The following ZC3H11A variants were observed in gnomAD, a reference collection of about 807,000 sequenced individuals.
ZC3H11A encodes the protein zinc finger CCCH domain-containing protein 11A.
Under a neutral mutation model 90.8 loss-of-function variants are expected in ZC3H11A, and 22 were observed. The ratio of observed to expected loss-of-function variants is 0.24; its 90% CI spans 0.17 to 0.35. ZC3H11A has a LOEUF of 0.35. Ranked by LOEUF, ZC3H11A falls within the 10% of genes least tolerant of loss-of-function variation. ZC3H11A has a pLI of 1.00. For missense variants in ZC3H11A, 701 were observed against 964.9 expected, an observed-to-expected ratio of 0.73 and a Z score of 3.62; for synonymous variants, 294 against 339.8, an observed-to-expected ratio of 0.87 and a Z score of 1.48.
At chr1:203,842,617 G>A (rs898972429) in intron 12 of ZC3H11A, among the ~76,000 whole-genome samples, 5 of 146,570 alleles carry the variant, frequency 3.4e-5, no homozygotes, top group African/African-American at 1.3e-4. Context: ...GGGAGGGGGA[G>A]GGGGAATCTT....
In ZC3H11A at chr1:203,852,453, T is replaced by G. The variant is rs1210437109; in HGVS notation, c.*54T>G. 5.6e-6 allele frequency: 9 copies of G among 1,594,330 alleles called. No individual in the cohort carries two copies. Among genetic ancestry groups the G allele is most frequent in the Non-Finnish European group, 6.8e-6 (8 of 1,170,320 alleles). On this transcript the variant is annotated 3_prime_UTR_variant, in exon 18 of 18. Coordinates refer to ENST00000367210, the MANE Select transcript of ZC3H11A (RefSeq NM_001376342.1). ...AAATCGCCAAAAAACTGGACTTAGT[T>G]TCATCTATTGTAACATTTACCTGAG...
At chr1:203,796,373 C>T (rs1056313041) in intron 1 of ZC3H11A, 2 of 398,810 alleles carry the variant, frequency 5.0e-6, no homozygotes, top group Non-Finnish European at 8.8e-6. Context: ...CACCCATTCC[C>T]CACTCTCATT....
chr1:203,803,249 T>C (rs2102452858), intron 2 of ZC3H11A, among the ~76,000 whole-genome samples: 1 of 152,292 alleles, frequency 6.6e-6, no homozygotes, highest in Non-Finnish European at 1.5e-5. Flanking sequence ...TGGAGTGCAA[T>C]GGTGCCATCT....
At chr1:203,798,685 A>G in intron 1 of ZC3H11A, 2 of 1,536,168 alleles carry the variant, frequency 1.3e-6, no homozygotes, top group Non-Finnish European at 1.7e-6. Flanking sequence ...GTTGCAGAGC[A>G]AGGCACTCTG....
chr1:203,799,669 T>G (rs1220653939), intron 1 of ZC3H11A: 4 of 705,674 alleles, frequency 5.7e-6, no homozygotes, highest in Non-Finnish European at 1.0e-5. Context: ...CTACCCCTAA[T>G]CCATCATCTA....
rs552700202 is a variant in ZC3H11A at position 203,829,874 on chromosome 1, A to G, written c.597A>G (p.Lys199=). The G allele has an allele frequency of 1.3e-5, 21 of 1,614,050 alleles. No homozygotes were observed. In the South Asian group the frequency reaches 1.6e-4, roughly 13 times the overall value. ...HNGLRVTSVR[K]PAVNIKQGEC... ...GATTACGAGTGACTTCTGTCCGGAA[A>G]CCTGCAGTCAATATAAAGCAAGGTA... Residue 199 remains lysine, a synonymous_variant, in exon 7 of 18, where the codon AAA becomes AAG. Coordinates refer to ENST00000367210, the MANE Select transcript of ZC3H11A (RefSeq NM_001376342.1).
intron 2 of ZC3H11A, among the ~76,000 whole-genome samples, chr1:203,815,232 T>TTTTTTTTTTTG (rs1675938494): frequency 6.8e-6 from 1 of 146,250 alleles, no homozygotes; most frequent in Non-Finnish European, 1.5e-5. Context: ...TTTTTTTTTT[T>TTTTTTTTTTTG]GAGACAGTGT....
chr1:203,797,860 G>T (rs1436833360), intron 1 of ZC3H11A: 3 of 1,536,002 alleles, frequency 2.0e-6, no homozygotes, highest in African/African-American at 2.7e-5. Flanking sequence ...GATGAAGAAA[G>T]TCTTTTTGAG....
chr1:203,815,520 A>G (rs1235142340), intron 2 of ZC3H11A, among the ~76,000 whole-genome samples: 3 of 151,564 alleles, frequency 2.0e-5, no homozygotes, highest in East Asian at 1.9e-4. Flanking sequence ...CACCCGGCCT[A>G]TTTCATTATT....
intron 8 of ZC3H11A, among the ~76,000 whole-genome samples, chr1:203,831,403 GC>G (rs1682317016): frequency 6.6e-6 from 1 of 152,048 alleles, no homozygotes; most frequent in Admixed American, 6.6e-5. Context: ...GTAAATATTA[GC>G]CTTATTGGTA....
At chr1:203,823,915 G>A (rs1322929659) in intron 4 of ZC3H11A, among the ~76,000 whole-genome samples, 1 of 152,134 alleles carries the variant, frequency 6.6e-6, no homozygotes, top group African/African-American at 2.4e-5. Flanking sequence ...TATTGATACG[G>A]AAATAATCAG....
chr1:203,809,363 G>A (rs1673548185), intron 2 of ZC3H11A, among the ~76,000 whole-genome samples: 1 of 151,348 alleles, frequency 6.6e-6, no homozygotes, highest in Admixed American at 6.6e-5. Context: ...TTTTAGTAGA[G>A]GCGGTGTTTC....
chr1:203,812,754 G>T (rs1674950242), intron 2 of ZC3H11A, among the ~76,000 whole-genome samples: 1 of 151,606 alleles, frequency 6.6e-6, no homozygotes. Context: ...GCTAATTTTT[G>T]TATTTTTAGT....
chr1:203,799,233 C>A, intron 1 of ZC3H11A: 1 of 868,464 alleles, frequency 1.2e-6, no homozygotes, highest in Non-Finnish European at 1.9e-6. Flanking sequence ...TAATGTGGTA[C>A]ATGCAATCAA....
At chr1:203,805,524 G>T in intron 2 of ZC3H11A, 2 of 505,766 alleles carry the variant, frequency 4.0e-6, no homozygotes, top group South Asian at 3.1e-5. Context: ...TTCCTTCAAA[G>T]AAAGGACAGA....
chr1:203,816,488 G>A (rs1676421844), intron 2 of ZC3H11A, among the ~76,000 whole-genome samples: 1 of 151,994 alleles, frequency 6.6e-6, no homozygotes, highest in South Asian at 2.1e-4. Context: ...AATTAGCTGG[G>A]TATAGTGGTA....
At chr1:203,797,829 G>A (rs1449837117) in intron 1 of ZC3H11A, 2 of 1,536,096 alleles carry the variant, frequency 1.3e-6, no homozygotes, top group South Asian at 1.2e-5. Context: ...TGCTTTGTTA[G>A]CTTCCAATGA....
Position 203,840,353 on chromosome 1 carries a change from C to T in ZC3H11A, c.1021C>T (p.Pro341Ser). Reference protein sequence around the residue: ...LKERLGMSADPDNEDATDKVN... With the variant: ...LKERLGMSADSDNEDATDKVN... ...GGAGCGATTAGGCATGTCAGCTGAT[C>T]CAGATAATGAGGATGCAACAGGTAA... The change falls in exon 12 of 18, where the codon CCA becomes TCA. Residue 341 changes from proline (P) to serine (S), a missense_variant. Coordinates refer to ENST00000367210, the MANE Select transcript of ZC3H11A (RefSeq NM_001376342.1). 6.2e-7 allele frequency: 1 copy of T among 1,613,240 alleles called. No homozygotes were observed. The highest frequency in any genetic ancestry group is 8.5e-7 in the Non-Finnish European group (1 of 1,179,428).
In ZC3H11A at chr1:203,803,461, G is replaced by A. The variant is rs1049264077; in HGVS notation, c.-146+445G>A. On this transcript the variant is annotated intron_variant, in intron 2 of 17. Transcript: ENST00000367210. ...CAGCCTCAGCCTCCCAAAGTGCTGG[G>A]ATTACAGGCATGAGCCACCGCCTCT... Among the ~76,000 whole-genome samples the A allele has an allele frequency of 8.5e-5, 13 of 152,272 alleles. No homozygotes were observed. In the Middle Eastern group the frequency reaches 0.01, roughly 120 times the overall value.
Sources: gnomAD v4.1 joint callset for allele counts (sites outside exome capture counted in the v4.1 genomes callset) on GRCh38, gnomAD v4.1.1 for gene constraint, MANE v1.5 for transcripts, NCBI Gene and HGNC (gene_info 2026-07-23, HGNC 2026-07-21) for gene names.